COLEC10: variants seen among roughly 807,000 people sequenced by gnomAD.
The protein encoded by COLEC10 is collectin subfamily member 10, also known as collectin-10.
A neutral mutation model predicts 28.4 loss-of-function variants in COLEC10; 22 were observed. That is an observed-to-expected ratio of 0.78 (90% CI 0.55 to 1.11). COLEC10 has a LOEUF of 1.11. COLEC10 is among the 50% of genes least tolerant of loss of function. COLEC10 has a pLI of 0.00. For synonymous variants in COLEC10, 125 were observed against 116.1 expected, an observed-to-expected ratio of 1.08 and a Z score of -0.49; for missense variants, 361 against 344.1, an observed-to-expected ratio of 1.05 and a Z score of -0.39.
chr8:119,078,040 G>A (rs1358351124), intron 1 of COLEC10, among the ~76,000 whole-genome samples: 1 of 152,178 alleles, frequency 6.6e-6, no homozygotes, highest in Non-Finnish European at 1.5e-5. Context: ...ACCAGATCCT[G>A]TGTAAACTGA....
At chr8:118,975,878 A>G in the COLEC10 span, among the ~76,000 whole-genome samples, 1 of 152,022 alleles carries the variant, frequency 6.6e-6, no homozygotes, top group African/African-American at 2.4e-5. Context: ...TCTTACCGTG[A>G]CCTTGAGCTG....
intron 1 of COLEC10, among the ~76,000 whole-genome samples, chr8:119,078,593 T>C (rs975400424): frequency 6.6e-6 from 1 of 152,186 alleles, no homozygotes; most frequent in Non-Finnish European, 1.5e-5. Flanking sequence ...CAGCAGGCAG[T>C]TGGAAATAGA....
intron 2 of COLEC10, among the ~76,000 whole-genome samples, chr8:119,026,812 C>T (rs1814200299): frequency 6.6e-6 from 1 of 152,152 alleles, no homozygotes; most frequent in Non-Finnish European, 1.5e-5. Flanking sequence ...GATAAACTTT[C>T]AGAGTTGCCT....
the COLEC10 span, among the ~76,000 whole-genome samples, chr8:118,990,005 T>A: frequency 2.6e-5 from 4 of 152,100 alleles, no homozygotes; most frequent in African/African-American, 9.7e-5. Context: ...TTTGGTTTGC[T>A]CAACCTGTAC....
chr8:119,043,045 G>A lies in COLEC10; in HGVS notation n.235+33492G>A, dbSNP rs73325451. Among the ~76,000 whole-genome samples the A allele has an allele frequency of 3.8e-3, 586 of 152,268 alleles. 3 individuals are homozygous for A. The highest frequency in any genetic ancestry group is 0.013 in the African/African-American group (532 of 41,548). On this transcript the variant is annotated intron_variant and non_coding_transcript_variant, in intron 2 of 6. Coordinates refer to the COLEC10 transcript ENST00000521788. ...TTGAGGAACTTTGGAAATGTTAAGAGTTCAAACAAGCAATATGGAAAGACA... is the reference window on the plus strand; with the variant it reads ...TTGAGGAACTTTGGAAATGTTAAGAATTCAAACAAGCAATATGGAAAGACA...
intron 2 of COLEC10, among the ~76,000 whole-genome samples, chr8:119,033,050 G>A (rs1293145661): frequency 6.6e-6 from 1 of 152,070 alleles, no homozygotes; most frequent in African/African-American, 2.4e-5. Context: ...GTGCAAATAT[G>A]ATAGAGTGAA....
intron 1 of COLEC10, among the ~76,000 whole-genome samples, chr8:119,083,381 C>T (rs1343766454): frequency 2.0e-5 from 3 of 152,142 alleles, no homozygotes; most frequent in Non-Finnish European, 4.4e-5. Flanking sequence ...CTTGTGGGCT[C>T]TTATTGGGTC....
intron 3 of COLEC10, among the ~76,000 whole-genome samples, chr8:119,098,595 A>G (rs962923576): frequency 2.6e-5 from 4 of 152,046 alleles, no homozygotes; most frequent in Admixed American, 6.6e-5. Flanking sequence ...GTATTTAACC[A>G]TTTTATCTTA....
At chr8:119,011,123 A>C (rs1355362832) in intron 2 of COLEC10, among the ~76,000 whole-genome samples, 1 of 150,938 alleles carries the variant, frequency 6.6e-6, no homozygotes, top group Non-Finnish European at 1.5e-5. Context: ...TACATTTTAC[A>C]ATTAGGTCTG....
chr8:119,071,541 C>T (rs1387935083), intron 1 of COLEC10, among the ~76,000 whole-genome samples: 1 of 152,190 alleles, frequency 6.6e-6, no homozygotes, highest in East Asian at 1.9e-4. Flanking sequence ...TCATGGAGGT[C>T]TTAGCTCAAA....
intron 2 of COLEC10, among the ~76,000 whole-genome samples, chr8:119,023,819 G>A (rs541775545): frequency 6.6e-6 from 1 of 152,224 alleles, no homozygotes; most frequent in East Asian, 1.9e-4. Context: ...TGAAATCAGA[G>A]GAATAGATTT....
At chr8:119,086,391 G>A (rs1018487728) in intron 1 of COLEC10, among the ~76,000 whole-genome samples, 1 of 151,986 alleles carries the variant, frequency 6.6e-6, no homozygotes, top group African/African-American at 2.4e-5. Context: ...CGGGGAGGTG[G>A]GGGGGGTCCC....
At chr8:118,979,107 T>C in the COLEC10 span, among the ~76,000 whole-genome samples, 7 of 152,052 alleles carry the variant, frequency 4.6e-5, no homozygotes, top group Non-Finnish European at 7.4e-5. Flanking sequence ...GGCTTTGTGA[T>C]TTATTTTATT....
At chr8:118,991,156 T>G (rs561288649), upstream of COLEC10, among the ~76,000 whole-genome samples, 2 of 152,284 alleles carry the variant, frequency 1.3e-5, no homozygotes, top group East Asian at 3.9e-4. Context: ...TTCTGGAATT[T>G]CACATATATC....
intron 2 of COLEC10, among the ~76,000 whole-genome samples, chr8:119,019,375 G>A (rs1814052577): frequency 6.6e-6 from 1 of 152,182 alleles, no homozygotes; most frequent in Non-Finnish European, 1.5e-5. Context: ...GATAGTGAAG[G>A]AAAATCTGTA....
chr8:119,057,905 G>A (rs754491367), intron 2 of COLEC10, among the ~76,000 whole-genome samples: 2 of 151,922 alleles, frequency 1.3e-5, no homozygotes, highest in Non-Finnish European at 2.9e-5. Context: ...AAGGTGTAGG[G>A]TACTTGAGCT....
intron 2 of COLEC10, among the ~76,000 whole-genome samples, chr8:119,049,737 A>T (rs1814645898): frequency 6.6e-6 from 1 of 152,006 alleles, no homozygotes; most frequent in Non-Finnish European, 1.5e-5. Context: ...AACACTTATT[A>T]TAGGCTACAT....
At chr8:119,061,467 T>C (rs1056154883) in intron 2 of COLEC10, among the ~76,000 whole-genome samples, 2 of 151,154 alleles carry the variant, frequency 1.3e-5, no homozygotes, top group Admixed American at 1.3e-4. Context: ...TCTTAAAAGC[T>C]TCTAAAGAGA....
At chr8:118,979,762 T>C in the COLEC10 span, among the ~76,000 whole-genome samples, 5 of 152,134 alleles carry the variant, frequency 3.3e-5, no homozygotes, top group African/African-American at 7.2e-5. Context: ...ATGAATTTAT[T>C]AGAAATAAAT....
Sources: gnomAD v4.1 joint callset for allele counts (sites outside exome capture counted in the v4.1 genomes callset) on GRCh38, gnomAD v4.1.1 for gene constraint, MANE v1.5 for transcripts, NCBI Gene and HGNC (gene_info 2026-07-23, HGNC 2026-07-21) for gene names.